The following TEX14 variants were observed in gnomAD, a reference collection of about 807,000 sequenced individuals.
TEX14 encodes the protein inactive serine/threonine-protein kinase TEX14.
Under a neutral mutation model 178.6 loss-of-function variants are expected in TEX14, and 168 were observed. That is an observed-to-expected ratio of 0.94 (90% CI 0.83 to 1.07). TEX14 has a LOEUF of 1.07. TEX14 is among the 50% of genes least tolerant of loss of function. The pLI is 0.00. For missense variants in TEX14, 1,730 were observed against 1,753.6 expected (o/e 0.99, Z 0.24); for synonymous variants, 626 against 634.1 (o/e 0.99, Z 0.19).
chr17:58,578,532 GA>G (rs2044734199), intron 20 of TEX14, among the ~76,000 whole-genome samples: 2 of 152,308 alleles, frequency 1.3e-5, no homozygotes, highest in South Asian at 2.1e-4. Flanking sequence ...AGGGGGCAGA[GA>G]GGGGCAGAAA....
chr17:58,571,081 A>G (rs561778237), intron 24 of TEX14, among the ~76,000 whole-genome samples: 4 of 152,262 alleles, frequency 2.6e-5, no homozygotes, highest in East Asian at 1.9e-4. Flanking sequence ...AGGGCCTGAC[A>G]TGGTGCTTGG....
chr17:58,605,918 T>C (rs1419953627), intron 10 of TEX14, among the ~76,000 whole-genome samples: 1 of 152,206 alleles, frequency 6.6e-6, no homozygotes. Flanking sequence ...TCTGCTTTTA[T>C]ATCACTGTAC....
chr17:58,667,602 T>A (rs755743555), intron 1 of TEX14, among the ~76,000 whole-genome samples: 1 of 152,184 alleles, frequency 6.6e-6, no homozygotes, highest in African/African-American at 2.4e-5. Flanking sequence ...GATTCTTTGC[T>A]GGCCGGGTGC....
Position 58,579,668 on chromosome 17 carries a change from A to G in TEX14, c.3235T>C (p.Ser1079Pro). 2 of 1,613,374 alleles carry G rather than the reference A, an allele frequency of 1.2e-6. No individual in the cohort carries two copies. Among genetic ancestry groups the G allele is most frequent in the Non-Finnish European group, 1.7e-6 (2 of 1,179,384 alleles). The change falls in exon 20 of 32, where the codon TCT becomes CCT. Residue 1079 changes from serine (S) to proline (P), a missense_variant. Ser to Pro is a moderately conservative substitution (Grantham distance 74). Around this residue, in one of 2 missense-constraint regions of TEX14, gnomAD observed 941 missense variants for 1,072.4 expected, o/e 0.88. Coordinates refer to ENST00000349033, the MANE Select transcript of TEX14 (RefSeq NM_031272.5). ...ATCTTCCCTAAGGGCTTATTACCAGAGACTTGAGGTTGGGCAAATGCACCT... is the reference window on the plus strand; with the variant it reads ...ATCTTCCCTAAGGGCTTATTACCAGGGACTTGAGGTTGGGCAAATGCACCT... ...IQGAFAQPQVSGEEKFQMRKI... is the reference protein window; with the variant it reads ...IQGAFAQPQVPGEEKFQMRKI...
chr17:58,600,015 T>TAG (rs1240143426), intron 13 of TEX14, among the ~76,000 whole-genome samples: 1 of 152,174 alleles, frequency 6.6e-6, no homozygotes, highest in Non-Finnish European at 1.5e-5. Context: ...TTTTGTTTTA[T>TAG]AGAGATGGGG....
At chr17:58,631,624 A>G (rs567636131) in intron 2 of TEX14, 12 of 151,826 alleles carry the variant, frequency 7.9e-5, no homozygotes, top group Non-Finnish European at 1.3e-4. Flanking sequence ...AACATCTGAA[A>G]AAAAAAAAAA....
chr17:58,608,895 T>C (rs557652789), intron 10 of TEX14, among the ~76,000 whole-genome samples: 1 of 152,268 alleles, frequency 6.6e-6, no homozygotes, highest in East Asian at 1.9e-4. Flanking sequence ...GTTAGGAGAT[T>C]GACACTACAA....
intron 1 of TEX14, among the ~76,000 whole-genome samples, chr17:58,670,947 C>T (rs953081763): frequency 5.9e-5 from 9 of 152,044 alleles, no homozygotes; most frequent in East Asian, 1.9e-4. Flanking sequence ...TTCAAAACAA[C>T]GTGTACACAA....
intron 21 of TEX14, among the ~76,000 whole-genome samples, chr17:58,575,987 T>C (rs2044665517): frequency 6.6e-6 from 1 of 152,230 alleles, no homozygotes; most frequent in Non-Finnish European, 1.5e-5. Context: ...GGTTGTTATG[T>C]GGATTAAATC....
intron 15 of TEX14, among the ~76,000 whole-genome samples, chr17:58,589,257 T>G (rs1598362341): frequency 1.3e-5 from 2 of 150,918 alleles, no homozygotes; most frequent in Non-Finnish European, 3.0e-5. Context: ...AGCGAGACTC[T>G]ATTTCCAAAG....
In TEX14 at chr17:58,599,285, T is replaced by G. The variant is rs2045369082; in HGVS notation, c.2060A>C (p.Glu687Ala). The G allele has an allele frequency of 6.2e-7, 1 of 1,613,322 alleles. No individual in the cohort carries two copies. Among genetic ancestry groups the G allele is most frequent in the South Asian group, 1.1e-5 (1 of 91,088 alleles). Reference protein sequence around the residue: ...EDESSSKAETEYSFDDWDWQN... With the variant: ...EDESSSKAETAYSFDDWDWQN... ...CCAGTCCCAGTCATCAAAAGAGTAC[T>G]CTGTCTCAGCTTTTGAAGAGCTCTC... Residue 687 changes from glutamate to alanine, a missense_variant, in exon 14 of 32, where the codon GAG becomes GCG. Physicochemically the swap from Glu to Ala is moderately radical, Grantham distance 107. This residue lies in a region of TEX14 where 941 missense variants were observed against 1,072.4 expected (regional missense o/e 0.88). Coordinates refer to ENST00000349033, the MANE Select transcript of TEX14 (RefSeq NM_031272.5).
intron 2 of TEX14, among the ~76,000 whole-genome samples, chr17:58,639,279 T>A (rs2046515691): frequency 6.6e-6 from 1 of 152,120 alleles, no homozygotes; most frequent in Non-Finnish European, 1.5e-5. Context: ...GATACAATGA[T>A]CTTGCTTGGG....
At chr17:58,610,926 A>C (rs1168069113) in intron 10 of TEX14, among the ~76,000 whole-genome samples, 1 of 152,038 alleles carries the variant, frequency 6.6e-6, no homozygotes, top group Non-Finnish European at 1.5e-5. Flanking sequence ...GGATAATTAT[A>C]GCATTTATGC....
At chr17:58,668,781 T>C (rs2047254754) in intron 1 of TEX14, among the ~76,000 whole-genome samples, 3 of 152,142 alleles carry the variant, frequency 2.0e-5, no homozygotes, top group African/African-American at 7.2e-5. Context: ...CTAGGTGAAC[T>C]GCTATGCGAG....
intron 1 of TEX14, among the ~76,000 whole-genome samples, chr17:58,672,486 T>C (rs1001021861): frequency 3.3e-5 from 5 of 152,256 alleles, no homozygotes; most frequent in Admixed American, 3.3e-4. Context: ...CAGGCTGCAG[T>C]GCAGAGGTGC....
At chr17:58,581,541 T>C in intron 19 of TEX14, 1 of 1,556,836 alleles carries the variant, frequency 6.4e-7, no homozygotes, top group Non-Finnish European at 8.7e-7. Flanking sequence ...GTAAGCTATT[T>C]TTCTCAATAA....
At chr17:58,636,598 C>T (rs2046437304) in intron 2 of TEX14, among the ~76,000 whole-genome samples, 1 of 152,150 alleles carries the variant, frequency 6.6e-6, no homozygotes, top group Non-Finnish European at 1.5e-5. Flanking sequence ...GTTCTAAAGT[C>T]CACGCACTAT....
intron 2 of TEX14, among the ~76,000 whole-genome samples, chr17:58,650,584 T>C (rs1047372617): frequency 7.2e-5 from 11 of 152,224 alleles, no homozygotes; most frequent in African/African-American, 2.4e-4. Context: ...TGGTGGACTA[T>C]AGGCATGCGC....
At chr17:58,687,235 G>A (rs1448573993) in intron 1 of TEX14, among the ~76,000 whole-genome samples, 1 of 152,078 alleles carries the variant, frequency 6.6e-6, no homozygotes, top group African/African-American at 2.4e-5. Flanking sequence ...GGTCTTGCAA[G>A]CCTACTCTGG....
Sources: gnomAD v4.1 joint callset for allele counts (sites outside exome capture counted in the v4.1 genomes callset) on GRCh38, gnomAD v4.1.1 for gene constraint, gnomAD v4.1.1 regional missense constraint, MANE v1.5 for transcripts, NCBI Gene and HGNC (gene_info 2026-07-23, HGNC 2026-07-21) for gene names.